GALC: variants seen among roughly 807,000 people sequenced by gnomAD.
GALC encodes the protein galactocerebrosidase.
GALC carries 77 observed loss-of-function variants against 91.8 expected under a neutral mutation model. The observed-to-expected ratio is 0.84, with a 90% CI of 0.70 to 1.01. The LOEUF is 1.01. Ranked by LOEUF, GALC falls within the 50% of genes least tolerant of loss-of-function variation. The pLI is 0.00. For synonymous variants in GALC, 357 were observed against 306.7 expected (o/e 1.16, Z -1.71); for missense variants, 882 against 855.9 (o/e 1.03, Z -0.38).
intron 4 of GALC, among the ~76,000 whole-genome samples, chr14:87,984,961 C>A (rs78185844): frequency 2.0e-5 from 3 of 152,124 alleles, no homozygotes; most frequent in Non-Finnish European, 4.4e-5. Context: ...ATGTATAACA[C>A]AAATTTATCA....
At chr14:87,961,987 C>T (rs918072012) in intron 10 of GALC, among the ~76,000 whole-genome samples, 6 of 152,126 alleles carry the variant, frequency 3.9e-5, no homozygotes, top group Non-Finnish European at 7.3e-5. Context: ...TGCTCATTAC[C>T]TGTAGATCCC....
chr14:87,950,653 A>C lies in GALC; in HGVS notation c.1251+6T>G, dbSNP rs1485768113. The C allele has an allele frequency of 1.3e-6, 2 of 1,531,174 alleles. No individual in the cohort carries two copies. Among genetic ancestry groups the C allele is most frequent in the Non-Finnish European group, 1.8e-6 (2 of 1,105,992 alleles). The allele number at this position is 1,531,174 out of a possible 1,614,324, so 94.8% of individuals were successfully genotyped here. The stretch of plus-strand genomic sequence containing the variant: ...AACTAAAATAAAGTTAAACATATTT[A>C]CTTACAAAAGATCCCTTAAGAACAA... On this transcript the variant is annotated splice_donor_region_variant and intron_variant, in intron 11 of 16. Transcript: ENST00000261304.
At chr14:87,953,385 A>G in intron 10 of GALC, 1 of 1,429,022 alleles carries the variant, frequency 7.0e-7, no homozygotes, top group East Asian at 2.3e-5. Flanking sequence ...ATTTTACAGA[A>G]GCATATGAAA....
intron 6 of GALC, chr14:87,981,457 TAA>T: frequency 5.3e-6 from 1 of 189,790 alleles, no homozygotes; most frequent in Non-Finnish European, 1.0e-5. Context: ...CCTATGGAAA[TAA>T]AAAAAAATTA....
chr14:87,986,357 G>T (rs1181286570), intron 4 of GALC, 132 bp downstream of exon 4: 2 of 701,266 alleles, frequency 2.9e-6, no homozygotes, highest in Admixed American at 2.0e-5. Flanking sequence ...ATGCTTTGCT[G>T]CTGGTAGCAT....
intron 1 of GALC, chr14:87,992,677 G>A (rs1887256631): frequency 2.1e-6 from 3 of 1,437,592 alleles, no homozygotes; most frequent in Non-Finnish European, 2.7e-6. Context: ...TTCCAGCCCC[G>A]GCTACTTCAC....
chr14:87,993,556 A>G (rs941662125), upstream of GALC: 7 of 1,277,536 alleles, frequency 5.5e-6, no homozygotes, highest in Admixed American at 4.1e-5. Flanking sequence ...TCCCGATTCC[A>G]TTGTCATCTT....
intron 5 of GALC, 22 bp downstream of exon 5, chr14:87,984,372 A>G: frequency 1.3e-6 from 2 of 1,594,978 alleles, no homozygotes; most frequent in Non-Finnish European, 8.6e-7. Context: ...AAACTGAATC[A>G]TATTTTAAAT....
intron 6 of GALC, among the ~76,000 whole-genome samples, chr14:87,977,044 G>GGGT (rs59046532): frequency 8.0e-6 from 1 of 124,672 alleles, no homozygotes; most frequent in African/African-American, 3.4e-5. Context: ...GGGGGGGGGG[G>GGGT]ATGAAACAAA....
chr14:87,950,007 G>C lies in GALC; in HGVS notation c.1252-76C>G. 5 of 771,616 alleles carry C rather than the reference G, an allele frequency of 6.5e-6. No individual in the cohort carries two copies. The East Asian group carries it at 7.4e-5, about 11-fold the overall frequency. 47.8% of individuals were successfully genotyped at this position (771,616 alleles called of 1,614,324 possible). ...TTGAGGATTTCCAAAATCAGTACCA[G>C]CAAGAATGTACCAATGACAATATTA... On this transcript the variant is annotated intron_variant, in intron 11 of 16. Coordinates refer to ENST00000261304, the MANE Select transcript of GALC (RefSeq NM_000153.4).
chr14:87,954,136 G>T, intron 10 of GALC: 1 of 1,608,198 alleles, frequency 6.2e-7, no homozygotes, highest in South Asian at 1.1e-5. Context: ...AGTGTAGTTA[G>T]TGATGTTGTA....
chr14:87,988,575 ATC>A, intron 1 of GALC, 52 bp from the exon 2 acceptor site: 3 of 1,275,676 alleles, frequency 2.4e-6, no homozygotes, highest in Non-Finnish European at 3.4e-6. Flanking sequence ...AGTCATGAAT[ATC>A]TGTCTACAGT....
intron 1 of GALC, among the ~76,000 whole-genome samples, chr14:87,992,094 T>A (rs1053385569): frequency 5.3e-5 from 8 of 150,672 alleles, no homozygotes; most frequent in African/African-American, 1.7e-4. Context: ...GGGAAAAAAA[T>A]TTCCCCTAGC....
intron 4 of GALC, 24 bp from the exon 5 acceptor site, chr14:87,984,557 A>G: frequency 6.2e-7 from 1 of 1,613,904 alleles, no homozygotes; most frequent in South Asian, 1.1e-5. Context: ...GGAGGAGGCA[A>G]AGGTAGAGGA....
At chr14:87,935,035 G>A (rs570254974) in intron 16 of GALC, among the ~76,000 whole-genome samples, 157 bp from the exon 17 acceptor site, 12 of 151,968 alleles carry the variant, frequency 7.9e-5, no homozygotes, top group Non-Finnish European at 1.6e-4. Context: ...TTGAGCAAAA[G>A]TTTAAAATAC....
intron 1 of GALC, 155 bp downstream of exon 1, chr14:87,992,815 G>A (rs1887264692): frequency 5.7e-6 from 8 of 1,403,658 alleles, no homozygotes; most frequent in Non-Finnish European, 6.5e-6. Context: ...CCCGCAGCGG[G>A]CCCGCCCCAA....
chr14:87,972,272 T>G (rs1886322896), intron 7 of GALC, among the ~76,000 whole-genome samples: 1 of 152,186 alleles, frequency 6.6e-6, no homozygotes. Context: ...TAATATTGGC[T>G]GAAATAACAG....
intron 1 of GALC, 24 bp downstream of exon 1, chr14:87,992,946 G>A (rs769856066): frequency 6.0e-6 from 9 of 1,504,564 alleles, no homozygotes; most frequent in Non-Finnish European, 6.2e-6. Context: ...CGCCCCCCGC[G>A]TATCCCCGCA....
chr14:87,980,759 A>G (rs544280314), intron 6 of GALC: 3 of 152,324 alleles, frequency 2.0e-5, no homozygotes, highest in African/African-American at 4.8e-5. Flanking sequence ...ACCCTCCCCA[A>G]TACAAAAAAT....
Sources: allele counts gnomAD v4.1 joint callset (sites outside exome capture counted in the v4.1 genomes callset), GRCh38; gene constraint gnomAD v4.1.1; transcripts MANE v1.5; gene names NCBI Gene and HGNC (gene_info 2026-07-23, HGNC 2026-07-21).